The following NSMCE2 variants were observed in gnomAD, a reference collection of about 807,000 sequenced individuals.
NSMCE2 encodes the protein E3 SUMO-protein ligase NSE2.
A neutral mutation model predicts 23.8 loss-of-function variants in NSMCE2; 24 were observed. That is an observed-to-expected ratio of 1.01 (90% CI 0.73 to 1.42). The LOEUF is 1.42. Among genes scored for constraint, NSMCE2 ranks in the 40% most tolerant of loss-of-function variants. The pLI is 0.00. For missense variants in NSMCE2, 284 were observed against 296.5 expected, an observed-to-expected ratio of 0.96 and a Z score of 0.31; for synonymous variants, 92 against 94.1, an observed-to-expected ratio of 0.98 and a Z score of 0.13.
chr8:125,151,200 A>G lies in NSMCE2; in HGVS notation c.187A>G (p.Lys63Glu). The G allele has an allele frequency of 6.2e-7, 1 of 1,607,656 alleles. No homozygotes were observed. Among genetic ancestry groups the G allele is most frequent in the Non-Finnish European group, 8.5e-7 (1 of 1,174,620 alleles). ...AGTGAGTAGTGAATATAGTATGGAC[A>G]AGGCAATGGTTGAATTTGCTACATT... The part of the protein sequence containing the change: ...TEVSSEYSMD[K>E]AMVEFATLDR... Residue 63 changes from lysine (K) to glutamate (E), a missense_variant, in exon 4 of 8, where the codon AAG becomes GAG. Coordinates refer to ENST00000287437, the MANE Select transcript of NSMCE2 (RefSeq NM_173685.4).
chr8:125,156,904 A>G (rs1821349177), intron 4 of NSMCE2, among the ~76,000 whole-genome samples: 1 of 152,220 alleles, frequency 6.6e-6, no homozygotes, highest in South Asian at 2.1e-4. Flanking sequence ...AATATCCACT[A>G]CTTTAACATG....
chr8:125,304,060 GAT>G (rs1160978113), intron 5 of NSMCE2, among the ~76,000 whole-genome samples: 1 of 152,134 alleles, frequency 6.6e-6, no homozygotes, highest in Non-Finnish European at 1.5e-5. Context: ...CTCTACATAA[GAT>G]ATTAATTCAC....
At chr8:125,180,790 A>C (rs1478852966) in intron 4 of NSMCE2, among the ~76,000 whole-genome samples, 1 of 151,812 alleles carries the variant, frequency 6.6e-6, no homozygotes, top group East Asian at 1.9e-4. Context: ...CTATATACTA[A>C]TAATAATGGC....
intron 5 of NSMCE2, among the ~76,000 whole-genome samples, chr8:125,339,767 G>C (rs1830173010): frequency 6.6e-6 from 1 of 151,954 alleles, no homozygotes; most frequent in Non-Finnish European, 1.5e-5. Flanking sequence ...GTGAGTTCCC[G>C]TGGCCCCCTG....
At chr8:125,328,380 A>G (rs1386777432) in intron 5 of NSMCE2, among the ~76,000 whole-genome samples, 1 of 152,206 alleles carries the variant, frequency 6.6e-6, no homozygotes, top group Non-Finnish European at 1.5e-5. Context: ...GTCTAGTGAA[A>G]GAATAAAAGA....
intron 3 of NSMCE2, among the ~76,000 whole-genome samples, chr8:125,109,757 T>G (rs531902689): frequency 6.6e-6 from 1 of 152,302 alleles, no homozygotes; most frequent in South Asian, 2.1e-4. Flanking sequence ...TCTAGCTTAT[T>G]TGAAATGATC....
intron 1 of NSMCE2, among the ~76,000 whole-genome samples, chr8:125,096,797 G>T (rs1193420922): frequency 2.0e-5 from 3 of 151,892 alleles, no homozygotes; most frequent in Admixed American, 1.3e-4. Flanking sequence ...TTTCAGTAGG[G>T]ATGGGGCTTC....
chr8:125,335,179 G>A (rs1453900382), intron 5 of NSMCE2, among the ~76,000 whole-genome samples: 2 of 152,154 alleles, frequency 1.3e-5, no homozygotes, highest in Admixed American at 1.3e-4. Context: ...CAGAATTACT[G>A]CCAAGGGAGG....
chr8:125,296,137 T>G (rs1418395282), intron 5 of NSMCE2, among the ~76,000 whole-genome samples: 2 of 152,228 alleles, frequency 1.3e-5, no homozygotes, highest in Non-Finnish European at 2.9e-5. Context: ...ATTATCTCAT[T>G]TAATACTTTC....
intron 3 of NSMCE2, among the ~76,000 whole-genome samples, chr8:125,131,716 A>G (rs941107992): frequency 1.3e-5 from 2 of 152,180 alleles, no homozygotes; most frequent in Non-Finnish European, 2.9e-5. Context: ...CCTGGGATGT[A>G]TATTTTAAAA....
intron 3 of NSMCE2, among the ~76,000 whole-genome samples, chr8:125,118,009 T>C (rs1316600334): frequency 6.6e-6 from 1 of 152,188 alleles, no homozygotes; most frequent in Non-Finnish European, 1.5e-5. Context: ...TGAAATGTCT[T>C]AGCCAGAGGT....
At chr8:125,215,198 T>G (rs201458991) in intron 5 of NSMCE2, among the ~76,000 whole-genome samples, 1 of 89,002 alleles carries the variant, frequency 1.1e-5, no homozygotes, top group Non-Finnish European at 2.3e-5. Flanking sequence ...CCCCTCCCCC[T>G]ACCCCACAAC....
intron 5 of NSMCE2, among the ~76,000 whole-genome samples, chr8:125,205,801 G>A (rs1439390568): frequency 2.0e-5 from 3 of 152,172 alleles, no homozygotes; most frequent in Non-Finnish European, 4.4e-5. Context: ...GTAAATACCA[G>A]TATCGTACTT....
chr8:125,123,469 G>A (rs1819364435), intron 3 of NSMCE2, among the ~76,000 whole-genome samples: 1 of 152,218 alleles, frequency 6.6e-6, no homozygotes, highest in African/African-American at 2.4e-5. Context: ...GAAAATGAAG[G>A]AGACACTTGA....
intron 5 of NSMCE2, among the ~76,000 whole-genome samples, chr8:125,288,075 C>A (rs1049489979): frequency 2.7e-4 from 41 of 152,322 alleles, no homozygotes; most frequent in Admixed American, 2.3e-3. Context: ...ATCCTCCTGC[C>A]TCAGCCTCCC....
chr8:125,330,219 C>G (rs1829825298), intron 5 of NSMCE2, among the ~76,000 whole-genome samples: 2 of 150,220 alleles, frequency 1.3e-5, no homozygotes, highest in Admixed American at 1.3e-4. Context: ...CTCTGTCACC[C>G]AGGCTGGAGT....
At chr8:125,351,138 G>A (rs1332164097) in intron 5 of NSMCE2, among the ~76,000 whole-genome samples, 1 of 152,152 alleles carries the variant, frequency 6.6e-6, no homozygotes, top group Admixed American at 6.5e-5. Context: ...TGCTGACTGA[G>A]AAGAGGAGAA....
intron 1 of NSMCE2, among the ~76,000 whole-genome samples, chr8:125,097,914 C>G (rs1300414234): frequency 6.6e-6 from 1 of 152,104 alleles, no homozygotes; most frequent in Non-Finnish European, 1.5e-5. Flanking sequence ...ATTATATAGG[C>G]AGGAGGGAGT....
In NSMCE2 at chr8:125,169,543, C is replaced by G. The variant is rs1299102449; in HGVS notation, c.265-12560C>G. Among the ~76,000 whole-genome samples, 5 of 152,268 alleles carry G rather than the reference C, an allele frequency of 3.3e-5. No homozygotes were observed. In the East Asian group the frequency reaches 9.6e-4, roughly 29 times the overall value. ...CAGAAATCTGTTGTCGTCCTTACTT[C>G]CCCTACTTAGCTCTTCACATTTTAC... On this transcript the variant is annotated intron_variant, in intron 4 of 7. Transcript: ENST00000287437.
Sources: allele counts gnomAD v4.1 joint callset (sites outside exome capture counted in the v4.1 genomes callset), GRCh38; gene constraint gnomAD v4.1.1; transcripts MANE v1.5; gene names NCBI Gene and HGNC (gene_info 2026-07-23, HGNC 2026-07-21).